The following MLYCD variants were observed in gnomAD, a reference collection of about 807,000 sequenced individuals.
The protein encoded by MLYCD is malonyl-CoA decarboxylase.
In MLYCD, 27 loss-of-function variants were observed where a neutral mutation model predicts 35.8. The observed-to-expected ratio is 0.75, with a 90% CI of 0.56 to 1.04. The LOEUF is 1.04. Ranked by LOEUF, MLYCD falls within the 50% of genes least tolerant of loss-of-function variation. The probability of loss-of-function intolerance (pLI) is 0.00; values close to 1 mark genes in which losing one functional copy is unlikely to be tolerated. For synonymous variants in MLYCD, 403 were observed against 302.4 expected (o/e 1.33, Z -3.45); for missense variants, 917 against 665.1 (o/e 1.38, Z -4.17).
At chr16:83,904,386 T>G (rs1020528498) in intron 1 of MLYCD, among the ~76,000 whole-genome samples, 1 of 152,044 alleles carries the variant, frequency 6.6e-6, no homozygotes, top group Non-Finnish European at 1.5e-5. Flanking sequence ...GGGCCTATGG[T>G]TTTTAGCACG....
intron 1 of MLYCD, 50 bp from the exon 2 acceptor site, chr16:83,906,937 G>A (rs774327940): frequency 6.8e-7 from 1 of 1,478,250 alleles, no homozygotes; most frequent in Non-Finnish European, 9.5e-7. Flanking sequence ...ACAGAGATGG[G>A]CTTGATCTGT....
Position 83,915,220 on chromosome 16 carries a change from TA to T in MLYCD, c.1214del (p.Tyr405SerfsTer12). 6.2e-7 allele frequency: 1 copy of T among 1,613,940 alleles called. No individual in the cohort carries two copies. The highest frequency in any genetic ancestry group is 8.5e-7 in the Non-Finnish European group (1 of 1,179,812). On this transcript the variant is annotated frameshift_variant, in exon 5 of 5. Transcript: ENST00000262430. LOFTEE classifies it high-confidence loss of function. ...QTPLMRLCAW[Y>X]LYGEKHRGYA... Reference sequence around the variant, plus strand: ...TCCGCTGATGAGGCTGTGCGCCTGGTACCTGTATGGAGAGAAGCACCGCGGC... The same window carrying T: ...TCCGCTGATGAGGCTGTGCGCCTGGTCCTGTATGGAGAGAAGCACCGCGGC...
At position 83,918,776 on chromosome 16, in the gene MLYCD, C is replaced by T; in HGVS notation, c.*3287C>T. 1 of 125,312 alleles carries T rather than the reference C, an allele frequency of 8.0e-6. No individual in the cohort carries two copies. The highest frequency in any genetic ancestry group is 7.8e-3 in the Middle Eastern group (1 of 128). 7.8% of individuals were successfully genotyped at this position (125,312 alleles called of 1,614,324 possible). A position where few individuals can be genotyped will look rare whatever the true frequency, so the allele number is the denominator to read the frequency against. On this transcript the variant is annotated 3_prime_UTR_variant, in exon 5 of 5. Transcript: ENST00000262430. ...GAACACGCACACAGTGCACAGAGAACCACACAGTGCACAGGAGAATACGCA... is the reference window on the plus strand; with the variant it reads ...GAACACGCACACAGTGCACAGAGAATCACACAGTGCACAGGAGAATACGCA...
At chr16:83,910,874 T>C (rs148866494) in intron 3 of MLYCD, among the ~76,000 whole-genome samples, 4 of 152,198 alleles carry the variant, frequency 2.6e-5, no homozygotes, top group Admixed American at 1.3e-4. Context: ...TTCTTCACTT[T>C]GTTGGAGTCA....
intron 3 of MLYCD, among the ~76,000 whole-genome samples, chr16:83,911,101 G>A (rs903717573): frequency 3.4e-4 from 51 of 152,010 alleles, no homozygotes; most frequent in African/African-American, 8.4e-4. Flanking sequence ...CTCAGCCTCC[G>A]TAGTAGCTGG....
In MLYCD at chr16:83,918,082, T is replaced by G. The variant is rs1465905377; in HGVS notation, c.*2593T>G. ...GTCTCGGAATAGTGTTCAAATCCATTTTACTATTGCGGCCAAGGAGCCCTC... is the reference window on the plus strand; with the variant it reads ...GTCTCGGAATAGTGTTCAAATCCATGTTACTATTGCGGCCAAGGAGCCCTC... On this transcript the variant is annotated 3_prime_UTR_variant, in exon 5 of 5. Coordinates refer to ENST00000262430, the MANE Select transcript of MLYCD (RefSeq NM_012213.3). The G allele has an allele frequency of 6.6e-6, 1 of 152,204 alleles. No homozygotes were observed. The allele number at this position is 152,204 out of a possible 1,614,324, so 9.4% of individuals were successfully genotyped here.
rs1363039488 is a variant in MLYCD, at chr16:83,914,938, C to T, written c.949-18C>T. The T allele has an allele frequency of 1.2e-6, 2 of 1,614,166 alleles. No individual in the cohort carries two copies. Among genetic ancestry groups the T allele is most frequent in the African/African-American group, 1.3e-5 (1 of 75,038 alleles). On this transcript the variant is annotated intron_variant, in intron 4 of 4. Coordinates refer to ENST00000262430, the MANE Select transcript of MLYCD (RefSeq NM_012213.3). ...GTGTTTTCTCCGCCTTCCTTTCCACCCCAACCATGCTTTACAGAGAGAGTT... is the reference window on the plus strand; with the variant it reads ...GTGTTTTCTCCGCCTTCCTTTCCACTCCAACCATGCTTTACAGAGAGAGTT...
Position 83,915,807 on chromosome 16 carries a change from A to T in MLYCD, c.*318A>T. On this transcript the variant is annotated 3_prime_UTR_variant, in exon 5 of 5. Transcript: ENST00000262430. ...TGCTGTGGTACCTACATCTTCAGGA[A>T]GCTGTGCAGCCTCTGCCATTGCCAT... 1.6e-6 allele frequency: 2 copies of T among 1,267,118 alleles called. No individual in the cohort carries two copies. Among genetic ancestry groups the T allele is most frequent in the Non-Finnish European group, 2.0e-6 (2 of 994,334 alleles). 78.5% of individuals were successfully genotyped at this position (1,267,118 alleles called of 1,614,324 possible). A position where few individuals can be genotyped will look rare whatever the true frequency, so the allele number is the denominator to read the frequency against.
chr16:83,908,664 T>A (rs1319285618), intron 3 of MLYCD, among the ~76,000 whole-genome samples: 1 of 152,216 alleles, frequency 6.6e-6, no homozygotes, highest in South Asian at 2.1e-4. Context: ...TGAAAGATAC[T>A]TGATTAGAAA....
At chr16:83,904,020 A>C (rs1336649971) in intron 1 of MLYCD, among the ~76,000 whole-genome samples, 1 of 152,170 alleles carries the variant, frequency 6.6e-6, no homozygotes, top group African/African-American at 2.4e-5. Context: ...GGAGACTTCT[A>C]ACCTTTAGCC....
intron 3 of MLYCD, among the ~76,000 whole-genome samples, chr16:83,909,677 A>G (rs1907104109): frequency 6.8e-6 from 1 of 148,066 alleles, no homozygotes; most frequent in Non-Finnish European, 1.5e-5. Flanking sequence ...GCTAGAGTGC[A>G]ATGGTGCTGT....
chr16:83,915,461 C>T lies in MLYCD; in HGVS notation c.1454C>T (p.Ala485Val), dbSNP rs1425066561. 3 of 1,612,740 alleles carry T rather than the reference C, an allele frequency of 1.9e-6. No homozygotes were observed. Among genetic ancestry groups the T allele is most frequent in the Non-Finnish European group, 1.7e-6 (2 of 1,180,028 alleles). ...TCTGAGCAGGTCCTCAGCCTAGTGG[C>T]CCAGTTTCAAAAGAACAGCAAGCTC... ...KASEQVLSLV[A>V]QFQKNSKL Residue 485 changes from alanine to valine, a missense_variant, in exon 5 of 5, where the codon GCC (alanine) becomes GTC (valine). Physicochemically the swap from Ala to Val is moderately conservative, Grantham distance 64 (BLOSUM62 0). Coordinates refer to ENST00000262430, the MANE Select transcript of MLYCD (RefSeq NM_012213.3).
intron 1 of MLYCD, among the ~76,000 whole-genome samples, chr16:83,904,043 T>A (rs1906889451): frequency 6.6e-6 from 1 of 152,168 alleles, no homozygotes; most frequent in Non-Finnish European, 1.5e-5. Context: ...GATTCCCAGT[T>A]CTCGTGTACC....
intron 1 of MLYCD, among the ~76,000 whole-genome samples, chr16:83,905,654 G>C (rs1028399116): frequency 1.3e-5 from 2 of 152,198 alleles, no homozygotes; most frequent in Non-Finnish European, 2.9e-5. Context: ...GATGGGCCAA[G>C]GGCCTGCTCC....
chr16:83,916,219 G>GAGA lies in MLYCD; in HGVS notation c.*731_*733dup. 1 of 987,412 alleles carries GAGA rather than the reference G, an allele frequency of 1.0e-6. No homozygotes were observed. Among genetic ancestry groups the GAGA allele is most frequent in the Non-Finnish European group, 1.2e-6 (1 of 830,112 alleles). 61.2% of individuals were successfully genotyped at this position (987,412 alleles called of 1,614,324 possible). On this transcript the variant is annotated 3_prime_UTR_variant, in exon 5 of 5. Coordinates refer to ENST00000262430, the MANE Select transcript of MLYCD (RefSeq NM_012213.3). ...GTAGTGGTGGTCGTCTTTAAGATTA[G>GAGA]AGACCTGGGAAGGCTGGAATCAGCC...
Position 83,915,262 on chromosome 16 carries a change from G to C in MLYCD, c.1255G>C (p.Val419Leu), listed in dbSNP as rs773101554. The change falls in exon 5 of 5, where the codon GTG becomes CTG. Residue 419 changes from valine to leucine, a missense_variant. Coordinates refer to ENST00000262430, the MANE Select transcript of MLYCD (RefSeq NM_012213.3). ...EKHRGYALNPVANFHLQNGAV... is the reference protein window; with the variant it reads ...EKHRGYALNPLANFHLQNGAV... The stretch of plus-strand genomic sequence containing the variant: ...GCACCGCGGCTACGCGCTGAACCCC[G>C]TGGCCAACTTCCACCTGCAGAACGG... The C allele has an allele frequency of 6.2e-7, 1 of 1,612,226 alleles. No individual in the cohort carries two copies. Among genetic ancestry groups the C allele is most frequent in the Admixed American group, 1.7e-5 (1 of 59,962 alleles).
intron 3 of MLYCD, among the ~76,000 whole-genome samples, chr16:83,910,812 G>A (rs1457764167): frequency 2.0e-5 from 3 of 152,092 alleles, no homozygotes; most frequent in Non-Finnish European, 2.9e-5. Flanking sequence ...CTCGGGCCTC[G>A]GAGGATATGT....
At position 83,926,217 on chromosome 16, in the gene MLYCD, C is replaced by G. The variant is rs1010943148; in HGVS notation, c.*10728C>G. On this transcript the variant is annotated 3_prime_UTR_variant, in exon 5 of 5. Coordinates refer to ENST00000262430, the MANE Select transcript of MLYCD (RefSeq NM_012213.3). ...TGTGTGGGAACAGAGCACAGGCCCT[C>G]CCTCCCAGAGCCCACGAGATCTCAC... is the stretch of plus-strand genomic sequence containing the variant. 6.6e-6 allele frequency: 1 copy of G among 152,314 alleles called. No individual in the cohort carries two copies. Among genetic ancestry groups the G allele is most frequent in the Non-Finnish European group, 1.5e-5 (1 of 68,172 alleles). The allele number at this position is 152,314 out of a possible 1,614,324, so 9.4% of individuals were successfully genotyped here. A position where few individuals can be genotyped will look rare whatever the true frequency, so the allele number is the denominator to read the frequency against.
At chr16:83,908,416 A>G (rs570638229) in intron 3 of MLYCD, 134 bp downstream of exon 3, 2 of 1,170,904 alleles carry the variant, frequency 1.7e-6, no homozygotes, top group Admixed American at 2.9e-5. Context: ...GCTTTTTTAA[A>G]TTGGTTAAAT....
Sources: allele counts gnomAD v4.1 joint callset (sites outside exome capture counted in the v4.1 genomes callset), GRCh38; gene constraint gnomAD v4.1.1; transcripts MANE v1.5; gene names NCBI Gene and HGNC (gene_info 2026-07-23, HGNC 2026-07-21).